Variants in PDZD2 observed in about 807,000 individuals in gnomAD.
PDZD2 encodes the protein PDZ domain containing 2.
A neutral mutation model predicts 220.7 loss-of-function variants in PDZD2; 90 were observed. That is an observed-to-expected ratio of 0.41 (90% CI 0.34 to 0.49). The LOEUF (loss-of-function observed/expected upper bound fraction) is 0.49, where lower values mean the gene tolerates loss of function less well. PDZD2 is among the 20% of genes least tolerant of loss of function. PDZD2 has a pLI of 0.28. For missense variants in PDZD2, 3,174 were observed against 3,608.5 expected (o/e 0.88, Z 3.08); for synonymous variants, 1,375 against 1,450.5 (o/e 0.95, Z 1.18).
chr5:31,753,924 T>C (rs1240302802), intron 1 of PDZD2, among the ~76,000 whole-genome samples: 1 of 152,174 alleles, frequency 6.6e-6, no homozygotes, highest in Non-Finnish European at 1.5e-5. Flanking sequence ...TTGTTTTTAT[T>C]CTCCAGCATT....
At chr5:31,815,748 C>T (rs1050912160) in intron 2 of PDZD2, among the ~76,000 whole-genome samples, 7 of 152,056 alleles carry the variant, frequency 4.6e-5, no homozygotes, top group East Asian at 1.9e-4. Flanking sequence ...ATTTTATTTT[C>T]GGTTTACATA....
At chr5:31,736,936 G>A (rs1470054412) in intron 1 of PDZD2, among the ~76,000 whole-genome samples, 2 of 146,264 alleles carry the variant, frequency 1.4e-5, no homozygotes, top group African/African-American at 2.5e-5. Flanking sequence ...ACCATGGGAC[G>A]TGCTTGCTCC....
intron 1 of PDZD2, among the ~76,000 whole-genome samples, chr5:31,714,776 G>A (rs889095199): frequency 5.9e-5 from 9 of 151,986 alleles, no homozygotes; most frequent in African/African-American, 2.2e-4. Context: ...AAAATGCCTG[G>A]GGCCAGGCGC....
Position 32,108,245 on chromosome 5 carries a change from T to TA in PDZD2, c.*115dup. ...CCAACACTGGTACAGACACGGACTA[T>TA]AAAAATCTCCAAGCTTGTGCTTACA... is the stretch of plus-strand genomic sequence containing the variant. On this transcript the variant is annotated 3_prime_UTR_variant, in exon 25 of 25. Coordinates refer to ENST00000438447, the MANE Select transcript of PDZD2 (RefSeq NM_178140.4). The TA allele has an allele frequency of 1.6e-6, 1 of 644,834 alleles. No homozygotes were observed. The allele number at this position is 644,834 out of a possible 1,614,324, so 39.9% of individuals were successfully genotyped here.
chr5:31,723,108 A>G (rs2150149200), intron 1 of PDZD2, among the ~76,000 whole-genome samples: 1 of 152,406 alleles, frequency 6.6e-6, no homozygotes, highest in Non-Finnish European at 1.5e-5. Context: ...AACAGTAAAG[A>G]AATGAAAGTT....
At chr5:31,778,804 TAAAGTA>T (rs1325748765) in intron 1 of PDZD2, among the ~76,000 whole-genome samples, 2 of 152,196 alleles carry the variant, frequency 1.3e-5, no homozygotes, top group East Asian at 3.9e-4. Flanking sequence ...TTTAAATCAG[TAAAGTA>T]ATAAATGTTC....
In PDZD2 at chr5:32,049,853, G is replaced by T. The variant is rs1213840960; in HGVS notation, c.1665+1169G>T. Among the ~76,000 whole-genome samples the T allele has an allele frequency of 3.3e-5, 5 of 152,188 alleles. No individual in the cohort carries two copies. The East Asian group carries it at 9.6e-4, about 29-fold the overall frequency. On this transcript the variant is annotated intron_variant, in intron 8 of 24. Transcript: ENST00000438447. ...ACCAGTCAAACTTGTCCAGGCCCAG[G>T]ACTGCGACCTGCTCAGAATGGTCCT...
chr5:32,062,264 T>A (rs1009913821), intron 14 of PDZD2, among the ~76,000 whole-genome samples: 2 of 152,232 alleles, frequency 1.3e-5, no homozygotes, highest in Non-Finnish European at 2.9e-5. Flanking sequence ...TAGATTTTGC[T>A]TCCATCAAAG....
intron 6 of PDZD2, among the ~76,000 whole-genome samples, chr5:32,022,200 GT>G (rs112079985): frequency 0.02 from 1,807 of 92,538 alleles, 48 homozygotes; most frequent in African/African-American, 0.058. Context: ...TTTGTTTTTT[GT>G]TTTTTTTTGG....
intron 1 of PDZD2, among the ~76,000 whole-genome samples, chr5:31,775,664 C>CGTGTGTGTGTGT (rs370394146): frequency 1.7e-3 from 227 of 135,470 alleles, no homozygotes; most frequent in Non-Finnish European, 2.5e-3. Flanking sequence ...ACTCACAGAG[C>CGTGTGTGTGTGT]GTGTGTGTGT....
intron 1 of PDZD2, among the ~76,000 whole-genome samples, chr5:31,644,178 C>T (rs554234859): frequency 3.9e-5 from 6 of 152,094 alleles, no homozygotes; most frequent in Non-Finnish European, 7.4e-5. Context: ...GAAATTATTC[C>T]TTATTTTCCA....
chr5:31,993,340 C>T (rs1014458072), intron 3 of PDZD2, among the ~76,000 whole-genome samples: 3 of 152,162 alleles, frequency 2.0e-5, no homozygotes, highest in South Asian at 2.1e-4. Context: ...TTGGCACCAG[C>T]GTCTGTTCCT....
rs761494456 is a variant in PDZD2 at position 32,053,809 on chromosome 5, G to A, written c.1826G>A (p.Arg609His). ...FSIAGGRDCI[R>H]GQMGIFVKTI... ...ATTGCTGGAGGTCGAGACTGCATTC[G>A]TGGACAGATGGGGATTTTTGTCAAG... Residue 609 changes from arginine to histidine, a missense_variant, in exon 10 of 25, where the codon CGT (arginine) becomes CAT (histidine). Arg to His is a conservative substitution (Grantham distance 29). Transcript: ENST00000438447. The A allele has an allele frequency of 5.0e-6, 8 of 1,613,334 alleles. No individual in the cohort carries two copies. The highest frequency in any genetic ancestry group is 4.5e-5 in the East Asian group (2 of 44,898).
At chr5:32,071,546 G>T in intron 16 of PDZD2, 128 bp downstream of exon 16, 1 of 734,790 alleles carries the variant, frequency 1.4e-6, no homozygotes. Context: ...ACTTTATACA[G>T]GAAATCGCAA....
rs551294724 is a variant in PDZD2, at chr5:32,078,435, G to C, written c.3682+829G>C. On this transcript the variant is annotated intron_variant, in intron 19 of 24. Transcript: ENST00000438447. ...TCATGAGGTCAGGAGTTTAAGACCA[G>C]CCTGGCCAACATGGTGAAACCCCAT... 5.3e-5 allele frequency among the ~76,000 whole-genome samples: 8 copies of C among 152,038 alleles called. No homozygotes were observed. In the South Asian group the frequency reaches 1.7e-3, roughly 32 times the overall value.
chr5:31,876,228 A>G (rs1443666137), intron 2 of PDZD2, among the ~76,000 whole-genome samples: 2 of 150,104 alleles, frequency 1.3e-5, no homozygotes, highest in Non-Finnish European at 3.0e-5. Context: ...TTTTCTTAGT[A>G]TTGCATTCTC....
At chr5:31,845,145 A>C (rs1169854994) in intron 2 of PDZD2, among the ~76,000 whole-genome samples, 1 of 152,220 alleles carries the variant, frequency 6.6e-6, no homozygotes, top group Non-Finnish European at 1.5e-5. Flanking sequence ...AGACATTGCC[A>C]AATGTCCCTG....
chr5:31,910,604 G>C (rs2089200), intron 2 of PDZD2, among the ~76,000 whole-genome samples: 129,080 of 151,150 alleles, frequency 0.85, 55,896 homozygotes, highest in Non-Finnish European at 0.91. Flanking sequence ...TGTTGGCCAG[G>C]CTAGTCTCGG....
intron 2 of PDZD2, among the ~76,000 whole-genome samples, chr5:31,898,856 G>A (rs1292480612): frequency 1.4e-5 from 2 of 145,436 alleles, no homozygotes; most frequent in Non-Finnish European, 3.0e-5. Flanking sequence ...TTGAGACGGA[G>A]TCTCGCTCTG....
Sources: gnomAD v4.1 joint callset for allele counts (sites outside exome capture counted in the v4.1 genomes callset) on GRCh38, gnomAD v4.1.1 for gene constraint, MANE v1.5 for transcripts, NCBI Gene and HGNC (gene_info 2026-07-23, HGNC 2026-07-21) for gene names.